RUFY2: variants seen among roughly 807,000 people sequenced by gnomAD.
RUFY2 encodes RUN and FYVE domain containing 2.
Under a neutral mutation model 94.4 loss-of-function variants are expected in RUFY2, and 49 were observed. The ratio of observed to expected loss-of-function variants is 0.52; its 90% confidence interval spans 0.41 to 0.66. The LOEUF (loss-of-function observed/expected upper bound fraction) is 0.66, where lower values mean the gene tolerates loss of function less well. Ranked by LOEUF, RUFY2 falls within the 30% of genes least tolerant of loss-of-function variation. RUFY2 has a pLI of 0.00. For synonymous variants in RUFY2, 255 were observed against 235.7 expected, an observed-to-expected ratio of 1.08 and a Z score of -0.75; for missense variants, 541 against 692.8, an observed-to-expected ratio of 0.78 and a Z score of 2.46.
At chr10:68,406,809 G>T (rs933846733) in intron 1 of RUFY2, 2 of 1,612,258 alleles carry the variant, frequency 1.2e-6, no homozygotes, top group African/African-American at 2.7e-5. Context: ...CAGGCACCCA[G>T]GCCAAAACCT....
At chr10:68,341,591 G>A (rs2134787518), downstream of RUFY2, 1 of 1,602,104 alleles carries the variant, frequency 6.2e-7, no homozygotes, top group South Asian at 1.1e-5. Context: ...AAAGAACATC[G>A]ATATATTGAA....
At chr10:68,362,567 G>A (rs1055355791) in intron 15 of RUFY2, among the ~76,000 whole-genome samples, 1 of 151,432 alleles carries the variant, frequency 6.6e-6, no homozygotes, top group African/African-American at 2.4e-5. Flanking sequence ...TCAGGTGGGA[G>A]GACTGCTTGA....
chr10:68,384,323 T>C (rs1564828986), intron 8 of RUFY2, among the ~76,000 whole-genome samples, 171 bp from the exon 9 acceptor site: 1 of 152,234 alleles, frequency 6.6e-6, no homozygotes, highest in Non-Finnish European at 1.5e-5. Context: ...TATCCCAAGA[T>C]ACCAATTTTA....
At chr10:68,382,798 C>T (rs2049179332) in intron 10 of RUFY2, among the ~76,000 whole-genome samples, 1 of 151,606 alleles carries the variant, frequency 6.6e-6, no homozygotes, top group Non-Finnish European at 1.5e-5. Context: ...GCAATATTCT[C>T]TTCTTGACCT....
In RUFY2 at chr10:68,344,474, G is replaced by A. The variant is rs1465992381; in HGVS notation, c.*1294C>T. ...AACTATTCAGAGGTAATTTATACAA[G>A]TTAAATTCTTAGTATGCCATAAGCA... On this transcript the variant is annotated 3_prime_UTR_variant, in exon 18 of 18. Transcript: ENST00000602465. 2 of 152,172 alleles carry A rather than the reference G, an allele frequency of 1.3e-5. No homozygotes were observed. The highest frequency in any genetic ancestry group is 1.5e-5 in the Non-Finnish European group (1 of 68,034). 9.4% of individuals were successfully genotyped at this position (152,172 alleles called of 1,614,324 possible).
intron 1 of RUFY2, 153 bp downstream of exon 1, chr10:68,407,033 G>C: frequency 6.7e-7 from 1 of 1,484,538 alleles, no homozygotes; most frequent in Non-Finnish European, 8.9e-7. Flanking sequence ...GGGAGCCCCC[G>C]AGTCCCAGGC....
At chr10:68,378,663 C>T (rs997387467) in intron 12 of RUFY2, 8 of 1,608,606 alleles carry the variant, frequency 5.0e-6, no homozygotes, top group Admixed American at 1.7e-5. Flanking sequence ...GTTAACAAAT[C>T]GTTGTCACTT....
In RUFY2 at chr10:68,343,898, A is replaced by AT. The variant is rs1324191583; in HGVS notation, c.*1869dup. ...AGAAACTTACTTAAAGGATGACAAA[A>AT]TCATGGTTTGTTGAATGAAATTAGC... On this transcript the variant is annotated 3_prime_UTR_variant, in exon 18 of 18. Transcript: ENST00000602465. 3.1e-4 allele frequency: 47 copies of AT among 152,104 alleles called. 1 individual carries two copies. The highest frequency in any genetic ancestry group is 1.1e-3 in the African/African-American group (45 of 41,522). The allele number at this position is 152,104 out of a possible 1,614,324, so 9.4% of individuals were successfully genotyped here. A position where few individuals can be genotyped will look rare whatever the true frequency, so the allele number is the denominator to read the frequency against.
intron 16 of RUFY2, chr10:68,346,544 A>G (rs2134894928): frequency 6.5e-6 from 1 of 152,872 alleles, no homozygotes; most frequent in Middle Eastern, 3.4e-3. Flanking sequence ...ACATGTAAAA[A>G]TGCTTTAAAG....
At chr10:68,380,718 C>T (rs928017833) in intron 11 of RUFY2, among the ~76,000 whole-genome samples, 34 of 151,972 alleles carry the variant, frequency 2.2e-4, no homozygotes, top group African/African-American at 7.7e-4. Context: ...AAAAATTAGC[C>T]GGGCGTATTG....
chr10:68,365,001 A>G (rs2047705929), intron 13 of RUFY2, among the ~76,000 whole-genome samples: 1 of 152,092 alleles, frequency 6.6e-6, no homozygotes, highest in Non-Finnish European at 1.5e-5. Flanking sequence ...ATCTACTAAC[A>G]ATACTACAGT....
At chr10:68,359,629 T>C (rs1010332503) in intron 15 of RUFY2, among the ~76,000 whole-genome samples, 32 of 147,298 alleles carry the variant, frequency 2.2e-4, no homozygotes, top group Non-Finnish European at 3.7e-4. Flanking sequence ...AAAATATACA[T>C]AGTAGTAGTG....
In RUFY2 at chr10:68,394,133, C is replaced by T. The variant is rs1243379047; in HGVS notation, c.526G>A (p.Gly176Arg). 1 of 1,491,022 alleles carries T rather than the reference C, an allele frequency of 6.7e-7. No homozygotes were observed. The highest frequency in any genetic ancestry group is 2.3e-5 in the East Asian group (1 of 42,730). 92.4% of individuals were successfully genotyped at this position (1,491,022 alleles called of 1,614,324 possible). Residue 176 changes from glycine to arginine, a missense_variant, in exon 6 of 18, where the codon GGA (glycine) becomes AGA (arginine). By Grantham distance (125) the Gly-to-Arg change is moderately radical. Coordinates refer to ENST00000602465, the MANE Select transcript of RUFY2 (RefSeq NM_001330103.2). ...VKGEDLDSQV[G>R]VIDFSMYLKN... ...AAATACATAGAAAAATCAATCACTCCAACCTGAAGTAAATAAAGTTTTTTT... is the reference window on the plus strand; with the variant it reads ...AAATACATAGAAAAATCAATCACTCTAACCTGAAGTAAATAAAGTTTTTTT...
chr10:68,377,895 T>A, intron 12 of RUFY2: 1 of 985,390 alleles, frequency 1.0e-6, no homozygotes, highest in South Asian at 4.7e-5. Context: ...AACCCTCACA[T>A]ATTTCAGGGG....
chr10:68,393,242 G>T (rs1346027218), intron 6 of RUFY2, 39 bp from the exon 7 acceptor site: 1 of 1,140,790 alleles, frequency 8.8e-7, no homozygotes, highest in Non-Finnish European at 1.3e-6. Flanking sequence ...TAGTTGAAAA[G>T]GTATTTATTA....
Position 68,344,880 on chromosome 10 carries a change from C to G in RUFY2, c.*888G>C, listed in dbSNP as rs972649747. 1 of 152,100 alleles carries G rather than the reference C, an allele frequency of 6.6e-6. No homozygotes were observed. The highest frequency in any genetic ancestry group is 6.6e-5 in the Admixed American group (1 of 15,262). The allele number at this position is 152,100 out of a possible 1,614,324, so 9.4% of individuals were successfully genotyped here. ...ACTGAACTCTAATACATTACCAAAGCAAAGTCCTGATTTTTTTCTCACTTT... is the reference window on the plus strand; with the variant it reads ...ACTGAACTCTAATACATTACCAAAGGAAAGTCCTGATTTTTTTCTCACTTT... On this transcript the variant is annotated 3_prime_UTR_variant, in exon 18 of 18. Coordinates refer to ENST00000602465, the MANE Select transcript of RUFY2 (RefSeq NM_001330103.2).
chr10:68,358,847 G>A (rs2047232288), intron 15 of RUFY2, among the ~76,000 whole-genome samples: 1 of 151,896 alleles, frequency 6.6e-6, no homozygotes, highest in Non-Finnish European at 1.5e-5. Context: ...GGAGGCAGAT[G>A]TTGCAGTGAG....
rs868476713 is a variant in RUFY2, at chr10:68,402,143, G to A, written c.179-406C>T. 1.3e-4 allele frequency among the ~76,000 whole-genome samples: 20 copies of A among 150,850 alleles called. No homozygotes were observed. In the Middle Eastern group the frequency reaches 0.017, roughly 129 times the overall value. On this transcript the variant is annotated intron_variant, in intron 2 of 17. Coordinates refer to ENST00000602465, the MANE Select transcript of RUFY2 (RefSeq NM_001330103.2). ...ATGCCTTTTTTTTTTTTAGTAAGTA[G>A]AGATGGCATTTTGCTATGTTGACCA...
At chr10:68,381,508 A>C (rs1348369937) in intron 10 of RUFY2, 109 bp from the exon 11 acceptor site, 3 of 989,986 alleles carry the variant, frequency 3.0e-6, no homozygotes, top group Non-Finnish European at 4.5e-6. Flanking sequence ...TTTTAAGTCC[A>C]CTAAAGGGAA....
Sources: allele counts gnomAD v4.1 joint callset (sites outside exome capture counted in the v4.1 genomes callset), GRCh38; gene constraint gnomAD v4.1.1; transcripts MANE v1.5; gene names NCBI Gene and HGNC (gene_info 2026-07-23, HGNC 2026-07-21).